EPHA10: variants seen among roughly 807,000 people sequenced by gnomAD.
The protein encoded by EPHA10 is EPH receptor A10.
A neutral mutation model predicts 109.7 loss-of-function variants in EPHA10; 120 were observed. That is an observed-to-expected ratio of 1.09 (90% CI 0.94 to 1.27). The LOEUF (loss-of-function observed/expected upper bound fraction) is 1.27. EPHA10 is among the 50% of genes most tolerant of loss of function. The pLI is 0.00. For missense variants in EPHA10, 1,396 were observed against 1,411.1 expected (o/e 0.99, Z 0.17); for synonymous variants, 640 against 618.9 (o/e 1.03, Z -0.51).
At chr1:37,723,718 G>A (rs1645841903) in intron 8 of EPHA10, among the ~76,000 whole-genome samples, 1 of 152,264 alleles carries the variant, frequency 6.6e-6, no homozygotes, top group Non-Finnish European at 1.5e-5. Context: ...AAGGCAAGCG[G>A]ATCCAGCACT....
intron 11 of EPHA10, among the ~76,000 whole-genome samples, chr1:37,721,435 A>C (rs1569629627): frequency 6.6e-6 from 1 of 151,802 alleles, no homozygotes; most frequent in East Asian, 1.9e-4. Flanking sequence ...CTCAAAAAAA[A>C]AAAAAAAGAA....
Position 37,716,213 on chromosome 1 carries a change from A to G in EPHA10, c.*2159T>C, listed in dbSNP as rs1385272233. On this transcript the variant is annotated 3_prime_UTR_variant, in exon 17 of 17. Coordinates refer to ENST00000373048, the MANE Select transcript of EPHA10 (RefSeq NM_001099439.2). ...GTGCAGGGCTGAGGCCTGGGACCCA[A>G]CAGGATTCTGGGACCTCACTCCTCA... The G allele has an allele frequency of 6.3e-6, 2 of 319,762 alleles. No individual in the cohort carries two copies. Among genetic ancestry groups the G allele is most frequent in the South Asian group, 4.1e-5 (1 of 24,444 alleles). 19.8% of individuals were successfully genotyped at this position (319,762 alleles called of 1,614,324 possible). A position where few individuals can be genotyped will look rare whatever the true frequency, so the allele number is the denominator to read the frequency against.
Position 37,753,804 on chromosome 1 carries a change from C to A in EPHA10, c.1006+411G>T, listed in dbSNP as rs973032472. 1.6e-4 allele frequency among the ~76,000 whole-genome samples: 24 copies of A among 151,810 alleles called. No individual in the cohort carries two copies. In the South Asian group the frequency reaches 2.5e-3, roughly 16 times the overall value. On this transcript the variant is annotated intron_variant, in intron 4 of 16. Coordinates refer to ENST00000373048, the MANE Select transcript of EPHA10 (RefSeq NM_001099439.2). ...TTGGGAGGTCGGAATGTGAGAGTGG[C>A]GGGGCAGTTGGTGAGGATTTGGGAG...
At chr1:37,759,875 A>C (rs1260721127) in intron 3 of EPHA10, among the ~76,000 whole-genome samples, 1 of 152,204 alleles carries the variant, frequency 6.6e-6, no homozygotes, top group African/African-American at 2.4e-5. Context: ...GTAAGTACAG[A>C]AATAGGTTTC....
rs1646203751 is a variant in EPHA10, at chr1:37,744,616, C to T, written c.1357+8260G>A. 4.0e-5 allele frequency among the ~76,000 whole-genome samples: 6 copies of T among 151,674 alleles called. No homozygotes were observed. In the South Asian group the frequency reaches 1.2e-3, roughly 32 times the overall value. On this transcript the variant is annotated intron_variant, in intron 5 of 16. Coordinates refer to ENST00000373048, the MANE Select transcript of EPHA10 (RefSeq NM_001099439.2). The stretch of plus-strand genomic sequence containing the variant: ...TAGAGGTTGCAGTGAGCCAAGATTG[C>T]ACCACTGTACGCCACCCTGGGCAAC...
At position 37,764,927 on chromosome 1, in the gene EPHA10, C is replaced by A. The variant is rs1196872477; in HGVS notation, c.106+34G>T. 6.4e-7 allele frequency: 1 copy of A among 1,566,316 alleles called. No individual in the cohort carries two copies. The highest frequency in any genetic ancestry group is 1.2e-5 in the South Asian group (1 of 85,844). ...CGCCAGCCCCCTATCTTTTGGTATG[C>A]CACGCTCCGAGCAGAGCTCACCAGT... On this transcript the variant is annotated intron_variant, in intron 1 of 16. Transcript: ENST00000373048. The surrounding 1 kb of genome is among the most constrained non-coding windows in gnomAD (Gnocchi z 5.8).
chr1:37,732,310 C>T (rs150463474), intron 6 of EPHA10, among the ~76,000 whole-genome samples: 2 of 152,142 alleles, frequency 1.3e-5, no homozygotes, highest in African/African-American at 2.4e-5. Flanking sequence ...CTGCAGAGCC[C>T]GTGTTTTTTG....
Position 37,727,135 on chromosome 1 carries a change from C to T in EPHA10, c.1739G>A (p.Gly580Asp), listed in dbSNP as rs775096565. 1.2e-6 allele frequency: 2 copies of T among 1,612,612 alleles called. No homozygotes were observed. The highest frequency in any genetic ancestry group is 2.2e-5 in the South Asian group (2 of 90,846). ...VVTISALLVLGSVMSVLAIWR... is the reference protein window; with the variant it reads ...VVTISALLVLDSVMSVLAIWR... ...AATGGCCAGCACACTCATCACGGAGCCCAGGACGAGGAGGGCCGAGATGGT... is the reference window on the plus strand; with the variant it reads ...AATGGCCAGCACACTCATCACGGAGTCCAGGACGAGGAGGGCCGAGATGGT... Residue 580 changes from glycine (G) to aspartate (D), a missense_variant, in exon 8 of 17, where the codon GGC becomes GAC. Coordinates refer to ENST00000373048, the MANE Select transcript of EPHA10 (RefSeq NM_001099439.2).
chr1:37,754,368 A>C lies in EPHA10; in HGVS notation c.853T>G (p.Cys285Gly). The C allele has an allele frequency of 7.7e-7, 1 of 1,303,888 alleles. No individual in the cohort carries two copies. The highest frequency in any genetic ancestry group is 1.5e-5 in the African/African-American group (1 of 65,168). The allele number at this position is 1,303,888 out of a possible 1,614,324, so 80.8% of individuals were successfully genotyped here. A position where few individuals can be genotyped will look rare whatever the true frequency, so the allele number is the denominator to read the frequency against. Residue 285 changes from cysteine to glycine, a missense_variant and splice_region_variant, in exon 4 of 17, where the codon TGT becomes GGT. Transcript: ENST00000373048. This position sits in a 1 kb window ranked among gnomAD's most constrained non-coding sequence, Gnocchi z 4.5. ...FQERGDFCEA[C>G]PPGFYKVSPR... ...GACACCTTGTAAAACCCTGGGGGAC[A>C]GGCTGCAGGGCATGGCTGGTGAGAA... is the stretch of plus-strand genomic sequence containing the variant.
intron 7 of EPHA10, 118 bp from the exon 8 acceptor site, chr1:37,727,328 C>A: frequency 2.6e-6 from 2 of 760,990 alleles, no homozygotes; most frequent in East Asian, 6.6e-5. Flanking sequence ...GCACTTGGCA[C>A]TGCCTCCCAG....
intron 7 of EPHA10, among the ~76,000 whole-genome samples, chr1:37,728,057 T>G (rs1009066717): frequency 2.0e-5 from 3 of 152,142 alleles, no homozygotes; most frequent in Non-Finnish European, 1.5e-5. Context: ...GCACAATAAT[T>G]TCTTCCTAAA....
In EPHA10 at chr1:37,719,445, G is replaced by C. The variant is rs776825559; in HGVS notation, c.2725C>G (p.Pro909Ala). 1.2e-6 allele frequency: 2 copies of C among 1,613,672 alleles called. No individual in the cohort carries two copies. The highest frequency in any genetic ancestry group is 1.7e-6 in the Non-Finnish European group (2 of 1,179,994). Residue 909 changes from proline to alanine, a missense_variant, in exon 15 of 17, where the codon CCC becomes GCC. Coordinates refer to ENST00000373048, the MANE Select transcript of EPHA10 (RefSeq NM_001099439.2). ...CAGGTAGTCAGGGCACACTTGGGGG[G>C]CTCTGGGTCCTGCACCATCTTGCTC... ...ILSKMVQDPE[P>A]PKCALTTCPR...
At chr1:37,731,618 C>T in intron 6 of EPHA10, 36 bp from the exon 7 acceptor site, 1 of 1,572,794 alleles carries the variant, frequency 6.4e-7, no homozygotes, top group Non-Finnish European at 8.6e-7. Flanking sequence ...CCACCAGCGC[C>T]AGATCCACTG....
At position 37,723,216 on chromosome 1, in the gene EPHA10, C is replaced by T. The variant is rs371075804; in HGVS notation, c.1835-50G>A. ...AGGAATGGGGCCTCCACCACTGGGGCTGACAAGCGGGCTCATGCAGTGTAG... is the reference window on the plus strand; with the variant it reads ...AGGAATGGGGCCTCCACCACTGGGGTTGACAAGCGGGCTCATGCAGTGTAG... On this transcript the variant is annotated intron_variant, in intron 9 of 16. Coordinates refer to ENST00000373048, the MANE Select transcript of EPHA10 (RefSeq NM_001099439.2). The T allele has an allele frequency of 2.2e-4, 354 of 1,604,946 alleles. No individual in the cohort carries two copies. In the African/African-American group the frequency reaches 4.4e-3, roughly 20 times the overall value.
At chr1:37,751,829 C>T (rs1296248720) in intron 5 of EPHA10, among the ~76,000 whole-genome samples, 1 of 151,380 alleles carries the variant, frequency 6.6e-6, no homozygotes, top group Non-Finnish European at 1.5e-5. Context: ...ATCAAGATCG[C>T]GCCACTGCAC....
Position 37,764,777 on chromosome 1 carries a change from G to A in EPHA10, c.106+184C>T, listed in dbSNP as rs909081543. On this transcript the variant is annotated intron_variant, in intron 1 of 16. Coordinates refer to ENST00000373048, the MANE Select transcript of EPHA10 (RefSeq NM_001099439.2). The surrounding 1 kb of genome is among the most constrained non-coding windows in gnomAD (Gnocchi z 5.8). ...GTCTCCAGCCCCCAAGCTCCTCAGC[G>A]CCCCTCTCTTCGCTACTGCTTGATC... is the stretch of plus-strand genomic sequence containing the variant. Among the ~76,000 whole-genome samples the A allele has an allele frequency of 2.0e-5, 3 of 151,678 alleles. No homozygotes were observed. The highest frequency in any genetic ancestry group is 7.3e-5 in the African/African-American group (3 of 41,280).
At chr1:37,719,073 G>A in intron 15 of EPHA10, 1 of 600,792 alleles carries the variant, frequency 1.7e-6, no homozygotes. Context: ...GACACGCCTA[G>A]GACTGGTTGG....
In EPHA10 at chr1:37,764,467, C is replaced by T. The variant is rs1646458569; in HGVS notation, c.106+494G>A. The stretch of plus-strand genomic sequence containing the variant: ...AGACTACGCTCAGAATTCAGCACTG[C>T]GGACAGTTCCATGATCAGCACGTCG... On this transcript the variant is annotated intron_variant, in intron 1 of 16. Coordinates refer to ENST00000373048, the MANE Select transcript of EPHA10 (RefSeq NM_001099439.2). This position sits in a 1 kb window ranked among gnomAD's most constrained non-coding sequence, Gnocchi z 5.8. Among the ~76,000 whole-genome samples the T allele has an allele frequency of 6.6e-6, 1 of 152,228 alleles. No homozygotes were observed. The highest frequency in any genetic ancestry group is 6.5e-5 in the Admixed American group (1 of 15,292).
Position 37,752,859 on chromosome 1 carries a change from G to T in EPHA10, c.1357+17C>A. On this transcript the variant is annotated intron_variant, in intron 5 of 16. Transcript: ENST00000373048. The stretch of plus-strand genomic sequence containing the variant: ...CAGGCGCGGTGGCCTCGGGGTGGGG[G>T]GCGCGGACGGCCTTACCCCCGGGCC... 8.0e-7 allele frequency: 1 copy of T among 1,257,516 alleles called. No homozygotes were observed. Among genetic ancestry groups the T allele is most frequent in the Non-Finnish European group, 1.0e-6 (1 of 1,000,964 alleles). The allele number at this position is 1,257,516 out of a possible 1,614,324, so 77.9% of individuals were successfully genotyped here.
Sources: gnomAD v4.1 joint callset for allele counts (sites outside exome capture counted in the v4.1 genomes callset) on GRCh38, gnomAD v4.1.1 for gene constraint, Gnocchi (gnomAD v3.1) non-coding constraint, MANE v1.5 for transcripts, NCBI Gene and HGNC (gene_info 2026-07-23, HGNC 2026-07-21) for gene names.